Variants in MID1 observed in about 807,000 individuals in gnomAD.
The protein encoded by MID1 is E3 ubiquitin-protein ligase Midline-1.
In MID1, 7 loss-of-function variants were observed where a neutral mutation model predicts 40.4. The observed-to-expected ratio is 0.17, with a 90% CI of 0.10 to 0.33. MID1 has a LOEUF of 0.33. MID1 is among the 10% of genes least tolerant of loss of function. The pLI is 1.00. For synonymous variants in MID1, 229 were observed against 221.2 expected (o/e 1.04, Z -0.31); for missense variants, 367 against 558.5 (o/e 0.66, Z 3.46).
At chrX:10,452,172 T>C (rs932670977) in intron 9 of MID1, among the ~76,000 whole-genome samples, 3 of 111,790 alleles carry the variant, frequency 2.7e-5, no homozygotes, top group African/African-American at 3.3e-5. Context: ...TGACTACATG[T>C]AGCAAGTAGA....
intron 2 of MID1, among the ~76,000 whole-genome samples, chrX:10,554,058 A>G (rs986316463): frequency 2.7e-5 from 3 of 111,262 alleles, no homozygotes; most frequent in Admixed American, 9.6e-5. Context: ...ATGCTTTTGA[A>G]TTTTCCATGG....
intron 4 of MID1, among the ~76,000 whole-genome samples, chrX:10,486,206 G>A (rs1300923938): frequency 1.8e-5 from 2 of 112,168 alleles, no homozygotes; most frequent in Non-Finnish European, 3.8e-5. Context: ...CCTGCTTGGT[G>A]ACCTCGTCAA....
chrX:10,720,587 T>C (rs1207176519), intron 1 of MID1, among the ~76,000 whole-genome samples: 1 of 111,893 alleles, frequency 8.9e-6, no homozygotes, highest in Non-Finnish European at 1.9e-5. Flanking sequence ...GAAACACTTT[T>C]ACACTGTTGG....
intron 1 of MID1, among the ~76,000 whole-genome samples, chrX:10,682,733 T>C (rs1020951354): frequency 2.7e-5 from 3 of 111,735 alleles, no homozygotes; most frequent in African/African-American, 9.8e-5. Flanking sequence ...CACTACCTTT[T>C]CCCTGATCAT....
upstream of MID1, among the ~76,000 whole-genome samples, chrX:10,622,080 T>C (rs995603155): frequency 9.2e-6 from 1 of 108,636 alleles, no homozygotes; most frequent in Non-Finnish European, 1.9e-5. Context: ...TCTGGGGAGA[T>C]TGTTAAAAAT....
chrX:10,464,745 T>A (rs1362318222), intron 7 of MID1, among the ~76,000 whole-genome samples: 2 of 112,006 alleles, frequency 1.8e-5, no homozygotes, highest in African/African-American at 6.5e-5. Context: ...TGACACTCAG[T>A]TGACTCCAGA....
At chrX:10,727,468 C>T (rs1319408503) in intron 1 of MID1, among the ~76,000 whole-genome samples, 4 of 112,543 alleles carry the variant, frequency 3.6e-5, no homozygotes, top group Non-Finnish European at 7.5e-5. Flanking sequence ...AAGGATTAGT[C>T]CATCAGAGCT....
chrX:10,566,497 T>TTCTC (rs1281393445), intron 2 of MID1, among the ~76,000 whole-genome samples: 2 of 72,084 alleles, frequency 2.8e-5, no homozygotes, highest in African/African-American at 1.2e-4. Flanking sequence ...TTATCTGTCA[T>TTCTC]TCTCTCTCTC....
At chrX:10,663,433 G>GC (rs938740988) in intron 1 of MID1, among the ~76,000 whole-genome samples, 1 of 112,193 alleles carries the variant, frequency 8.9e-6, no homozygotes, top group African/African-American at 3.2e-5. Context: ...GCATGATGTA[G>GC]CATGTATCAG....
At chrX:10,633,901 AG>A (rs1569133516) in intron 1 of MID1, among the ~76,000 whole-genome samples, 1 of 111,551 alleles carries the variant, frequency 9.0e-6, no homozygotes, top group African/African-American at 3.3e-5. Flanking sequence ...AAGAAATGTG[AG>A]ACATTGTTAT....
At chrX:10,761,207 T>C (rs1244792768) in intron 1 of MID1, among the ~76,000 whole-genome samples, 2 of 110,945 alleles carry the variant, frequency 1.8e-5, no homozygotes, top group Non-Finnish European at 3.8e-5. Flanking sequence ...TAAGAGAGTC[T>C]AACTATGTAG....
At chrX:10,823,116 T>C (rs1038016995) in intron 1 of MID1, among the ~76,000 whole-genome samples, 1 of 111,851 alleles carries the variant, frequency 8.9e-6, no homozygotes, top group Non-Finnish European at 1.9e-5. Flanking sequence ...ATGTGGTGCA[T>C]ATACACCATG....
intron 3 of MID1, among the ~76,000 whole-genome samples, chrX:10,521,946 C>A (rs754515379): frequency 1.8e-5 from 2 of 111,555 alleles, no homozygotes; most frequent in African/African-American, 6.5e-5. Flanking sequence ...CTTGGGTGAT[C>A]CTCCCACCTC....
At chrX:10,451,211 A>T (rs1309995701) in intron 9 of MID1, among the ~76,000 whole-genome samples, 9 of 111,869 alleles carry the variant, frequency 8.0e-5, no homozygotes, top group Non-Finnish European at 1.9e-5. Context: ...TATGAGGAGA[A>T]TCCAAGTTGC....
At chrX:10,522,948 C>T (rs886498707) in intron 3 of MID1, 144 bp downstream of exon 3, 2 of 493,067 alleles carry the variant, frequency 4.1e-6, no homozygotes, top group Non-Finnish European at 7.0e-6. Flanking sequence ...CTTTTAATTT[C>T]CTCCATCTTT....
intron 7 of MID1, among the ~76,000 whole-genome samples, chrX:10,462,657 A>ATTT (rs111954715): frequency 2.8e-5 from 3 of 108,268 alleles, no homozygotes; most frequent in Admixed American, 9.9e-5. Flanking sequence ...GATTTTATAC[A>ATTT]TTTTTTTTTT....
At chrX:10,637,269 C>G (rs765629376) in intron 1 of MID1, among the ~76,000 whole-genome samples, 1 of 110,406 alleles carries the variant, frequency 9.1e-6, no homozygotes, top group South Asian at 3.9e-4. Context: ...TTTGTGAATA[C>G]TCAAACACAT....
intron 2 of MID1, among the ~76,000 whole-genome samples, chrX:10,540,486 A>C (rs1310230853): frequency 9.0e-6 from 1 of 111,714 alleles, no homozygotes; most frequent in Non-Finnish European, 1.9e-5. Context: ...AGCCTGATGC[A>C]TTGCTTCAAA....
At chrX:10,612,388 T>C (rs1322215200) in intron 1 of MID1, among the ~76,000 whole-genome samples, 1 of 112,153 alleles carries the variant, frequency 8.9e-6, no homozygotes, top group African/African-American at 3.2e-5. Context: ...CCATCATATG[T>C]TGACTAAAAG....
Sources: allele counts gnomAD v4.1 joint callset (sites outside exome capture counted in the v4.1 genomes callset), GRCh38; gene constraint gnomAD v4.1.1; transcripts MANE v1.5; gene names NCBI Gene and HGNC (gene_info 2026-07-23, HGNC 2026-07-21).